The following AGPAT4 variants were observed in gnomAD, a reference collection of about 807,000 sequenced individuals.
AGPAT4 encodes 1-acyl-sn-glycerol-3-phosphate acyltransferase delta.
In AGPAT4, 15 loss-of-function variants were observed where a neutral mutation model predicts 48.0. That is an observed-to-expected ratio of 0.31 (90% CI 0.21 to 0.48). The LOEUF is 0.48. Among genes scored for constraint, AGPAT4 ranks in the 20% least tolerant of loss-of-function variants. The probability of loss-of-function intolerance (pLI) is 0.99; values close to 1 mark genes in which losing one functional copy is unlikely to be tolerated. For missense variants in AGPAT4, 314 were observed against 482.5 expected (o/e 0.65, Z 3.27); for synonymous variants, 178 against 198.7 (o/e 0.90, Z 0.88).
rs143284384 is a variant in AGPAT4 at position 161,152,705 on chromosome 6, G to A, written c.664+641C>T. Among the ~76,000 whole-genome samples the A allele has an allele frequency of 3.4e-3, 524 of 152,262 alleles. 1 individual carries two copies. Among genetic ancestry groups the A allele is most frequent in the African/African-American group, 0.012 (493 of 41,568 alleles). ...CTCCCTCCAGGAAGGAGACAGCTTCGCCTGAAGTGCTTTGCCTGAGAAGGA... is the reference window on the plus strand; with the variant it reads ...CTCCCTCCAGGAAGGAGACAGCTTCACCTGAAGTGCTTTGCCTGAGAAGGA... On this transcript the variant is annotated intron_variant, in intron 5 of 8. Coordinates refer to ENST00000320285, the MANE Select transcript of AGPAT4 (RefSeq NM_020133.3).
Position 161,225,153 on chromosome 6 carries a change from C to T in AGPAT4, c.178+6883G>A, listed in dbSNP as rs1781941377. ...GCTCCACCCTGACTCCTTCCGATGA[C>T]CTGCTCCACCCTGACTCATTCCAAT... is the stretch of plus-strand genomic sequence containing the variant. On this transcript the variant is annotated intron_variant, in intron 2 of 8. Coordinates refer to ENST00000320285, the MANE Select transcript of AGPAT4 (RefSeq NM_020133.3). The surrounding 1 kb of genome is among the most constrained non-coding windows in gnomAD (Gnocchi z 5.0). 6.6e-6 allele frequency among the ~76,000 whole-genome samples: 1 copy of T among 152,178 alleles called. No homozygotes were observed. The highest frequency in any genetic ancestry group is 6.5e-5 in the Admixed American group (1 of 15,272).
At position 161,184,598 on chromosome 6, in the gene AGPAT4, C is replaced by G. The variant is rs1401988530; in HGVS notation, c.179-18181G>C. Among the ~76,000 whole-genome samples, 2 of 152,096 alleles carry G rather than the reference C, an allele frequency of 1.3e-5. No individual in the cohort carries two copies. Among genetic ancestry groups the G allele is most frequent in the African/African-American group, 2.4e-5 (1 of 41,404 alleles). ...CCATTCCCACCTGTCATCCTCTGGCCTCTCTGTCCCTGCTTCCTCCCAGGC... is the reference window on the plus strand; with the variant it reads ...CCATTCCCACCTGTCATCCTCTGGCGTCTCTGTCCCTGCTTCCTCCCAGGC... On this transcript the variant is annotated intron_variant, in intron 2 of 8. Transcript: ENST00000320285. This position sits in a 1 kb window ranked among gnomAD's most constrained non-coding sequence, Gnocchi z 4.8.
At position 161,138,835 on chromosome 6, in the gene AGPAT4, G is replaced by A. The variant is rs1469604455; in HGVS notation, c.1042+587C>T. ...TGTTCACAGGGCAGGAAGCAGGCACGACAGGCTGCCCCGCCAGAGGCAAGG... is the reference window on the plus strand; with the variant it reads ...TGTTCACAGGGCAGGAAGCAGGCACAACAGGCTGCCCCGCCAGAGGCAAGG... On this transcript the variant is annotated intron_variant, in intron 8 of 8. Coordinates refer to ENST00000320285, the MANE Select transcript of AGPAT4 (RefSeq NM_020133.3). This position sits in a 1 kb window ranked among gnomAD's most constrained non-coding sequence, Gnocchi z 4.8. 1.3e-5 allele frequency among the ~76,000 whole-genome samples: 2 copies of A among 152,240 alleles called. No homozygotes were observed. The highest frequency in any genetic ancestry group is 1.5e-5 in the Non-Finnish European group (1 of 68,026).
At position 161,189,896 on chromosome 6, in the gene AGPAT4, T is replaced by G. The variant is rs1450693889; in HGVS notation, c.179-23479A>C. Among the ~76,000 whole-genome samples, 1 of 152,240 alleles carries G rather than the reference T, an allele frequency of 6.6e-6. No homozygotes were observed. On this transcript the variant is annotated intron_variant, in intron 2 of 8. Coordinates refer to ENST00000320285, the MANE Select transcript of AGPAT4 (RefSeq NM_020133.3). The surrounding 1 kb of genome is among the most constrained non-coding windows in gnomAD (Gnocchi z 5.3). Reference sequence around the variant, plus strand: ...CTGAAATGCTCCGTTGGTTCACATTTTAACATGCTGAAATCAGGGTGTGTC... The same window carrying G: ...CTGAAATGCTCCGTTGGTTCACATTGTAACATGCTGAAATCAGGGTGTGTC...
At position 161,171,615 on chromosome 6, in the gene AGPAT4, C is replaced by G. The variant is rs1206412718; in HGVS notation, c.179-5198G>C. Among the ~76,000 whole-genome samples the G allele has an allele frequency of 6.6e-6, 1 of 152,106 alleles. No individual in the cohort carries two copies. Among genetic ancestry groups the G allele is most frequent in the Non-Finnish European group, 1.5e-5 (1 of 68,036 alleles). ...ATTGGGAATTAAATTTCCAGCCGCACATGGTGGCTCATGCCTGTAATTCCA... is the reference window on the plus strand; with the variant it reads ...ATTGGGAATTAAATTTCCAGCCGCAGATGGTGGCTCATGCCTGTAATTCCA... On this transcript the variant is annotated intron_variant, in intron 2 of 8. Coordinates refer to ENST00000320285, the MANE Select transcript of AGPAT4 (RefSeq NM_020133.3). The surrounding 1 kb of genome is among the most constrained non-coding windows in gnomAD (Gnocchi z 4.4).
rs528436684 is a variant in AGPAT4, at chr6:161,181,781, C to T, written c.179-15364G>A. On this transcript the variant is annotated intron_variant, in intron 2 of 8. Transcript: ENST00000320285. Reference sequence around the variant, plus strand: ...CTCACACGTCCGCACCATCAGATGGCGCTCAGGCTAGAAGCCGAGGGTCCA... The same window carrying T: ...CTCACACGTCCGCACCATCAGATGGTGCTCAGGCTAGAAGCCGAGGGTCCA... 5.6e-4 allele frequency among the ~76,000 whole-genome samples: 85 copies of T among 152,186 alleles called. No individual in the cohort carries two copies. In the South Asian group the frequency reaches 0.016, roughly 28 times the overall value.
intron 2 of AGPAT4, among the ~76,000 whole-genome samples, chr6:161,192,307 C>T (rs1013309530): frequency 4.6e-5 from 7 of 151,976 alleles, no homozygotes; most frequent in African/African-American, 1.7e-4. Flanking sequence ...CCTGCCACCA[C>T]ACGCAGCTAA....
rs1206787681 is a variant in AGPAT4, at chr6:161,231,642, A to G, written c.178+394T>C. On this transcript the variant is annotated intron_variant, in intron 2 of 8. Transcript: ENST00000320285. The surrounding 1 kb of genome is among the most constrained non-coding windows in gnomAD (Gnocchi z 5.3). ...GCCACTTAGTTTTTTAAAAAAAAAT[A>G]CGTATGTATATGTATCTATATAGAT... Among the ~76,000 whole-genome samples, 1 of 152,216 alleles carries G rather than the reference A, an allele frequency of 6.6e-6. No homozygotes were observed. The highest frequency in any genetic ancestry group is 1.5e-5 in the Non-Finnish European group (1 of 68,034).
chr6:161,229,657 C>A lies in AGPAT4; in HGVS notation c.178+2379G>T, dbSNP rs1782073568. Among the ~76,000 whole-genome samples the A allele has an allele frequency of 6.6e-6, 1 of 152,130 alleles. No individual in the cohort carries two copies. The highest frequency in any genetic ancestry group is 2.4e-5 in the African/African-American group (1 of 41,414). On this transcript the variant is annotated intron_variant, in intron 2 of 8. Coordinates refer to ENST00000320285, the MANE Select transcript of AGPAT4 (RefSeq NM_020133.3). This position sits in a 1 kb window ranked among gnomAD's most constrained non-coding sequence, Gnocchi z 6.0. ...GGGGATAGTTTGCACTGGCTTATCA[C>A]CATGAGGTGCCCACGAGCCACCCAG...
Position 161,149,132 on chromosome 6 carries a change from G to A in AGPAT4, c.767+55C>T, listed in dbSNP as rs765583443. On this transcript the variant is annotated intron_variant, in intron 6 of 8. Coordinates refer to ENST00000320285, the MANE Select transcript of AGPAT4 (RefSeq NM_020133.3). The surrounding 1 kb of genome is among the most constrained non-coding windows in gnomAD (Gnocchi z 6.5). ...AGAAAGTCTCTAGGTCATTTGTGAT[G>A]TGTTTACTTTGAAATGGGCACTGTC... The A allele has an allele frequency of 7.1e-5, 112 of 1,587,720 alleles. No homozygotes were observed. The highest frequency in any genetic ancestry group is 9.0e-5 in the Non-Finnish European group (105 of 1,168,860).
In AGPAT4 at chr6:161,261,650, G is replaced by A. The variant is rs1783104216; in HGVS notation, c.-90+12288C>T. On this transcript the variant is annotated intron_variant, in intron 1 of 8. Transcript: ENST00000320285. The surrounding 1 kb of genome is among the most constrained non-coding windows in gnomAD (Gnocchi z 5.3). ...TTCCACAAATCCAGCTAATCATGTA[G>A]TGTTTGTAAGCTACATTTGACATGG... Among the ~76,000 whole-genome samples the A allele has an allele frequency of 6.6e-6, 1 of 152,244 alleles. No individual in the cohort carries two copies. Among genetic ancestry groups the A allele is most frequent in the Non-Finnish European group, 1.5e-5 (1 of 68,050 alleles).
Position 161,243,084 on chromosome 6 carries a change from A to T in AGPAT4, c.-89-10782T>A, listed in dbSNP as rs1011426430. On this transcript the variant is annotated intron_variant, in intron 1 of 8. Transcript: ENST00000320285. The surrounding 1 kb of genome is among the most constrained non-coding windows in gnomAD (Gnocchi z 4.8). Reference sequence around the variant, plus strand: ...TCTCAAAAAAATTTTTTTTTAATTTAAAAAAAAATGAAACTTTTTCAAACA... The same window carrying T: ...TCTCAAAAAAATTTTTTTTTAATTTTAAAAAAAATGAAACTTTTTCAAACA... Among the ~76,000 whole-genome samples the T allele has an allele frequency of 6.6e-6, 1 of 150,914 alleles. No individual in the cohort carries two copies. Among genetic ancestry groups the T allele is most frequent in the Non-Finnish European group, 1.5e-5 (1 of 67,836 alleles).
At chr6:161,152,036 T>G (rs894794901) in intron 5 of AGPAT4, among the ~76,000 whole-genome samples, 1 of 151,790 alleles carries the variant, frequency 6.6e-6, no homozygotes, top group African/African-American at 2.4e-5. Context: ...GCTGGCCCGG[T>G]GGGCCCTCGG....
Position 161,166,517 on chromosome 6 carries a change from A to C in AGPAT4, c.179-100T>G. On this transcript the variant is annotated intron_variant, in intron 2 of 8. Coordinates refer to ENST00000320285, the MANE Select transcript of AGPAT4 (RefSeq NM_020133.3). The surrounding 1 kb of genome is among the most constrained non-coding windows in gnomAD (Gnocchi z 6.7). ...TGCCCTCCCAGCTAGGGGAGAAAGC[A>C]ACTTCTACGGGCAAAGTTCTGGATC... is the stretch of plus-strand genomic sequence containing the variant. 1 of 1,398,284 alleles carries C rather than the reference A, an allele frequency of 7.2e-7. No individual in the cohort carries two copies. Among genetic ancestry groups the C allele is most frequent in the South Asian group, 1.4e-5 (1 of 71,072 alleles). 86.6% of individuals were successfully genotyped at this position (1,398,284 alleles called of 1,614,324 possible). A position where few individuals can be genotyped will look rare whatever the true frequency, so the allele number is the denominator to read the frequency against.
chr6:161,160,834 G>A (rs895177897), intron 3 of AGPAT4: 16 of 368,390 alleles, frequency 4.3e-5, no homozygotes, highest in Admixed American at 1.7e-4. Context: ...CGTTAGCCCC[G>A]CAGATGGGAA....
intron 2 of AGPAT4, among the ~76,000 whole-genome samples, chr6:161,168,123 G>T (rs539857386): frequency 1.3e-5 from 2 of 151,728 alleles, no homozygotes; most frequent in African/African-American, 4.9e-5. Flanking sequence ...CAGGAAGGCG[G>T]TGGTGGGGTG....
In AGPAT4 at chr6:161,249,373, C is replaced by A. The variant is rs1316520811; in HGVS notation, c.-89-17071G>T. ...CAAAGGAAACTATCAACTAAGTGAA[C>A]AGACAACCTACAGAATGGGATGATA... On this transcript the variant is annotated intron_variant, in intron 1 of 8. Transcript: ENST00000320285. The surrounding 1 kb of genome is among the most constrained non-coding windows in gnomAD (Gnocchi z 6.2). Among the ~76,000 whole-genome samples the A allele has an allele frequency of 6.6e-6, 1 of 152,112 alleles. No individual in the cohort carries two copies. Among genetic ancestry groups the A allele is most frequent in the African/African-American group, 2.4e-5 (1 of 41,424 alleles).
rs903933489 is a variant in AGPAT4, at chr6:161,166,594, C to T, written c.179-177G>A. Among the ~76,000 whole-genome samples the T allele has an allele frequency of 1.3e-5, 2 of 152,160 alleles. No individual in the cohort carries two copies. Among genetic ancestry groups the T allele is most frequent in the South Asian group, 2.1e-4 (1 of 4,816 alleles). On this transcript the variant is annotated intron_variant, in intron 2 of 8. Transcript: ENST00000320285. This position sits in a 1 kb window ranked among gnomAD's most constrained non-coding sequence, Gnocchi z 6.7. ...AAGGGTTCAGAAGCGGAAGGAAACACGAGAAAGACTTCACAACATTCTCCA... is the reference window on the plus strand; with the variant it reads ...AAGGGTTCAGAAGCGGAAGGAAACATGAGAAAGACTTCACAACATTCTCCA...
Position 161,147,480 on chromosome 6 carries a change from G to C in AGPAT4, c.768-881C>G, listed in dbSNP as rs1239757230. Among the ~76,000 whole-genome samples the C allele has an allele frequency of 6.6e-6, 1 of 152,158 alleles. No homozygotes were observed. The highest frequency in any genetic ancestry group is 2.4e-5 in the African/African-American group (1 of 41,424). On this transcript the variant is annotated intron_variant, in intron 6 of 8. Transcript: ENST00000320285. The surrounding 1 kb of genome is among the most constrained non-coding windows in gnomAD (Gnocchi z 4.8). ...CACTTCACTCCCTTCTATGGCCTAA[G>C]AATATCTTAGTAAGAAGATTTGAGA...
Sources: allele counts gnomAD v4.1 joint callset (sites outside exome capture counted in the v4.1 genomes callset), GRCh38; gene constraint gnomAD v4.1.1; non-coding constraint Gnocchi (gnomAD v3.1); transcripts MANE v1.5; gene names NCBI Gene and HGNC (gene_info 2026-07-23, HGNC 2026-07-21).